The following CNTLN variants were observed in gnomAD, a reference collection of about 807,000 sequenced individuals.
CNTLN encodes the protein centlein, centrosomal protein.
CNTLN carries 212 observed loss-of-function variants against 180.0 expected under a neutral mutation model. The observed-to-expected ratio is 1.18, with a 90% CI of 1.05 to 1.32. CNTLN has a LOEUF of 1.32. Ranked by LOEUF, CNTLN falls within the 40% of genes most tolerant of loss-of-function variation. CNTLN has a pLI of 0.00. For synonymous variants in CNTLN, 722 were observed against 563.1 expected (o/e 1.28, Z -3.99); for missense variants, 2,095 against 1,610.9 (o/e 1.30, Z -5.14).
intron 13 of CNTLN, among the ~76,000 whole-genome samples, chr9:17,383,783 G>A (rs568722942): frequency 5.9e-5 from 9 of 151,810 alleles, no homozygotes; most frequent in Non-Finnish European, 1.0e-4. Flanking sequence ...GACTACAGGC[G>A]CCTGCCACCA....
intron 8 of CNTLN, among the ~76,000 whole-genome samples, chr9:17,321,923 C>G (rs1163604653): frequency 6.6e-6 from 1 of 151,996 alleles, no homozygotes; most frequent in Non-Finnish European, 1.5e-5. Flanking sequence ...AAATAACTTT[C>G]AATATATTAG....
intron 13 of CNTLN, among the ~76,000 whole-genome samples, chr9:17,368,341 C>T (rs1824007126): frequency 6.6e-6 from 1 of 152,036 alleles, no homozygotes; most frequent in Non-Finnish European, 1.5e-5. Flanking sequence ...ACTAGAACAC[C>T]AGGTGGATTT....
chr9:17,224,096 C>T (rs988075730), intron 2 of CNTLN, among the ~76,000 whole-genome samples: 2 of 151,958 alleles, frequency 1.3e-5, no homozygotes, highest in African/African-American at 4.8e-5. Flanking sequence ...ATAACAACAA[C>T]CTTCGTTTCA....
At chr9:17,272,412 C>G (rs954193346) in intron 5 of CNTLN, among the ~76,000 whole-genome samples, 3 of 152,038 alleles carry the variant, frequency 2.0e-5, no homozygotes, top group Admixed American at 1.3e-4. Context: ...TTCATTGACT[C>G]TGTTTTTGAA....
At chr9:17,247,816 G>A (rs1936305620) in intron 5 of CNTLN, among the ~76,000 whole-genome samples, 1 of 134,378 alleles carries the variant, frequency 7.4e-6, no homozygotes, top group Non-Finnish European at 1.6e-5. Flanking sequence ...AAATGATCAT[G>A]TGGTTTCTCT....
chr9:17,135,566 G>A, intron 1 of CNTLN, 141 bp downstream of exon 1: 1 of 1,189,274 alleles, frequency 8.4e-7, no homozygotes, highest in East Asian at 2.8e-5. Flanking sequence ...CTTCGCTCGC[G>A]GCCGGGGGCT....
intron 3 of CNTLN, among the ~76,000 whole-genome samples, chr9:17,232,993 CAGAAA>C (rs113332790): frequency 0.2 from 30,226 of 151,584 alleles, 3,675 homozygotes; most frequent in African/African-American, 0.34. Context: ...TAAAATAGAA[CAGAAA>C]AGTTAAAAAC....
At chr9:17,303,078 T>C (rs1355672680) in intron 7 of CNTLN, among the ~76,000 whole-genome samples, 1 of 152,216 alleles carries the variant, frequency 6.6e-6, no homozygotes, top group East Asian at 1.9e-4. Flanking sequence ...GTTATTTTTA[T>C]CCCTGTTTGT....
chr9:17,397,554 G>T (rs1374314161), intron 15 of CNTLN, among the ~76,000 whole-genome samples: 1 of 152,076 alleles, frequency 6.6e-6, no homozygotes, highest in African/African-American at 2.4e-5. Flanking sequence ...GGTTTTCACC[G>T]GCTTCTTTAC....
At chr9:17,293,047 G>C (rs1829519605) in intron 6 of CNTLN, among the ~76,000 whole-genome samples, 1 of 152,176 alleles carries the variant, frequency 6.6e-6, no homozygotes, top group African/African-American at 2.4e-5. Context: ...GTGGTTTGCT[G>C]GGGGTCACTC....
intron 25 of CNTLN, among the ~76,000 whole-genome samples, chr9:17,496,191 T>G (rs1308189331): frequency 6.6e-6 from 1 of 152,198 alleles, no homozygotes; most frequent in Non-Finnish European, 1.5e-5. Context: ...ACTGAATAAT[T>G]CAGTTCTCTT....
chr9:17,430,972 A>G (rs1344941052), intron 18 of CNTLN, among the ~76,000 whole-genome samples: 1 of 152,138 alleles, frequency 6.6e-6, no homozygotes, highest in African/African-American at 2.4e-5. Flanking sequence ...AACTAGATTG[A>G]TTCCGTGTCT....
intron 5 of CNTLN, among the ~76,000 whole-genome samples, chr9:17,248,306 G>T (rs146284520): frequency 6.6e-6 from 1 of 151,738 alleles, no homozygotes; most frequent in African/African-American, 2.4e-5. Context: ...AGTTTTAGAG[G>T]GTTTGGTATT....
chr9:17,311,490 C>A, intron 8 of CNTLN, among the ~76,000 whole-genome samples: 1 of 144,400 alleles, frequency 6.9e-6, no homozygotes, highest in African/African-American at 2.6e-5. Context: ...CCCAATCAAA[C>A]TCCCAGGAGG....
In CNTLN at chr9:17,340,856, C is replaced by T. The variant is rs1387072901; in HGVS notation, c.1674C>T (p.Ala558=). ...AAGAAAATGATGAGCTAAGAGATGC[C>T]CATGAAAAACGCAAGGAACGGCTAC... is the stretch of plus-strand genomic sequence containing the variant. The part of the protein sequence containing the change: ...KSQENDELRD[A]HEKRKERLQM... Residue 558 remains alanine, a synonymous_variant, in exon 11 of 26, where the codon GCC becomes GCT. Coordinates refer to ENST00000380647, the MANE Select transcript of CNTLN (RefSeq NM_017738.4). 6.2e-7 allele frequency: 1 copy of T among 1,610,842 alleles called. No homozygotes were observed. The highest frequency in any genetic ancestry group is 8.5e-7 in the Non-Finnish European group (1 of 1,178,490).
At chr9:17,249,576 C>T (rs1273194918) in intron 5 of CNTLN, among the ~76,000 whole-genome samples, 1 of 151,986 alleles carries the variant, frequency 6.6e-6, no homozygotes, top group Non-Finnish European at 1.5e-5. Flanking sequence ...GTCTTGATCT[C>T]CTGATCTCAT....
chr9:17,409,028 A>G (rs1358434366), intron 15 of CNTLN, among the ~76,000 whole-genome samples: 1 of 152,144 alleles, frequency 6.6e-6, no homozygotes, highest in African/African-American at 2.4e-5. Context: ...TTGCTTCCTG[A>G]GTTAACACTT....
intron 2 of CNTLN, among the ~76,000 whole-genome samples, chr9:17,187,846 T>A (rs924400578): frequency 6.6e-6 from 1 of 151,542 alleles, no homozygotes; most frequent in African/African-American, 2.4e-5. Context: ...ACCTATGTAA[T>A]ATGTAACCAG....
At chr9:17,196,273 C>T (rs1040416898) in intron 2 of CNTLN, among the ~76,000 whole-genome samples, 1 of 152,112 alleles carries the variant, frequency 6.6e-6, no homozygotes, top group Non-Finnish European at 1.5e-5. Flanking sequence ...ATCCACCTGC[C>T]TCGGCCTCCC....
Sources: gnomAD v4.1 joint callset for allele counts (sites outside exome capture counted in the v4.1 genomes callset) on GRCh38, gnomAD v4.1.1 for gene constraint, MANE v1.5 for transcripts, NCBI Gene and HGNC (gene_info 2026-07-23, HGNC 2026-07-21) for gene names.